BCAS4: variants seen among roughly 807,000 people sequenced by gnomAD.
BCAS4 encodes breast carcinoma-amplified sequence 4.
BCAS4 carries 9 observed loss-of-function variants against 15.7 expected under a neutral mutation model. That is an observed-to-expected ratio of 0.57 (90% CI 0.34 to 1.00). The LOEUF is 1.00. Among genes scored for constraint, BCAS4 ranks in the 50% least tolerant of loss-of-function variants. The pLI, the probability that BCAS4 is intolerant of heterozygous loss-of-function variation, is 0.02. For missense variants in BCAS4, 225 were observed against 239.1 expected (o/e 0.94, Z 0.39); for synonymous variants, 101 against 99.5 (o/e 1.02, Z -0.09).
chr20:50,867,092 C>G (rs970760249), intron 4 of BCAS4, among the ~76,000 whole-genome samples: 1 of 152,184 alleles, frequency 6.6e-6, no homozygotes, highest in African/African-American at 2.4e-5. Context: ...TACAGAGACT[C>G]TCTTTGTACT....
At chr20:50,859,403 C>T (rs1481834864) in intron 4 of BCAS4, among the ~76,000 whole-genome samples, 1 of 152,090 alleles carries the variant, frequency 6.6e-6, no homozygotes, top group African/African-American at 2.4e-5. Context: ...CTGGCCCTGG[C>T]GATGGCCTAG....
chr20:50,858,601 C>CA (rs1240734658), intron 4 of BCAS4, among the ~76,000 whole-genome samples: 1 of 149,060 alleles, frequency 6.7e-6, no homozygotes, highest in Non-Finnish European at 1.5e-5. Flanking sequence ...GACTCTGTCT[C>CA]AAAAACAAAA....
At chr20:50,878,868 C>T (rs910077271), downstream of BCAS4, 2 of 152,158 alleles carry the variant, frequency 1.3e-5, no homozygotes, top group Admixed American at 1.3e-4. Flanking sequence ...CTATTTAAGC[C>T]TCACCAGACT....
At chr20:50,843,945 A>C (rs550017372) in intron 4 of BCAS4, among the ~76,000 whole-genome samples, 28 of 152,208 alleles carry the variant, frequency 1.8e-4, no homozygotes. Flanking sequence ...GGAGTTCAAG[A>C]CCAGCCTGGG....
chr20:50,877,851 G>A (rs1399873652), downstream of BCAS4: 1 of 152,318 alleles, frequency 6.6e-6, no homozygotes, highest in Non-Finnish European at 1.5e-5. Context: ...AGATCGCCCA[G>A]GAGTTTGAGA....
At chr20:50,866,647 G>A (rs1979373186) in intron 4 of BCAS4, among the ~76,000 whole-genome samples, 1 of 152,222 alleles carries the variant, frequency 6.6e-6, no homozygotes, top group African/African-American at 2.4e-5. Flanking sequence ...AACCCCTGAG[G>A]GTCCTGAGGT....
downstream of BCAS4, chr20:50,879,362 CA>C (rs1980072096): frequency 5.9e-5 from 9 of 152,094 alleles, no homozygotes; most frequent in Admixed American, 5.9e-4. Flanking sequence ...ACTAAAAATA[CA>C]AAAATTAGCC....
chr20:50,852,951 C>A (rs1393287346), intron 4 of BCAS4, among the ~76,000 whole-genome samples: 1 of 152,076 alleles, frequency 6.6e-6, no homozygotes, highest in Non-Finnish European at 1.5e-5. Flanking sequence ...GGTGCCAGGG[C>A]CCACGGCTGG....
intron 1 of BCAS4, among the ~76,000 whole-genome samples, chr20:50,805,521 C>A (rs928604978): frequency 6.6e-6 from 1 of 152,164 alleles, no homozygotes; most frequent in South Asian, 2.1e-4. Context: ...CAAGCTGGGG[C>A]CCAGTAGCAG....
intron 4 of BCAS4, among the ~76,000 whole-genome samples, chr20:50,860,339 T>C (rs1434094636): frequency 6.6e-6 from 1 of 152,214 alleles, no homozygotes; most frequent in Non-Finnish European, 1.5e-5. Flanking sequence ...AATTTACTTC[T>C]ATCAGCCAAG....
intron 1 of BCAS4, among the ~76,000 whole-genome samples, chr20:50,814,570 G>A (rs747413592): frequency 3.3e-5 from 5 of 152,216 alleles, no homozygotes; most frequent in Non-Finnish European, 5.9e-5. Flanking sequence ...GGCATGAGCC[G>A]CTCTACCCAG....
At chr20:50,844,411 C>T (rs73615345) in intron 4 of BCAS4, among the ~76,000 whole-genome samples, 11,992 of 152,084 alleles carry the variant, frequency 0.079, 480 homozygotes, top group Admixed American at 0.13. Flanking sequence ...ACACTCTAGC[C>T]TGGACAACAG....
Position 50,851,063 on chromosome 20 carries a change from C to T in BCAS4, c.399+9163C>T, listed in dbSNP as rs1250507592. Among the ~76,000 whole-genome samples, 2 of 4,510 alleles carry T rather than the reference C, an allele frequency of 4.4e-4. No individual in the cohort carries two copies. The highest frequency in any genetic ancestry group is 8.0e-4 in the Non-Finnish European group (2 of 2,492). The allele number at this position is 4,510 out of a possible 152,430, so 3.0% of individuals were successfully genotyped here. On this transcript the variant is annotated intron_variant, in intron 4 of 4. Transcript: ENST00000371608. This position sits in a 1 kb window ranked among gnomAD's most constrained non-coding sequence, Gnocchi z 4.3. ...CCTCCTCTCCCCTTCCTGTCCAGCC[C>T]TGCAAGTGGTGGGGGGTGCTGGGTC...
At chr20:50,821,417 A>G (rs1299027341) in intron 2 of BCAS4, among the ~76,000 whole-genome samples, 1 of 152,118 alleles carries the variant, frequency 6.6e-6, no homozygotes, top group Non-Finnish European at 1.5e-5. Context: ...TATTCTAGAA[A>G]TCCTCTTGGC....
At chr20:50,847,868 C>A (rs77675485) in intron 4 of BCAS4, among the ~76,000 whole-genome samples, 12 of 151,206 alleles carry the variant, frequency 7.9e-5, no homozygotes, top group Non-Finnish European at 1.2e-4. Context: ...TATGCGAAAC[C>A]CCATCTCTAC....
At chr20:50,826,867 C>G (rs1219699483) in intron 2 of BCAS4, among the ~76,000 whole-genome samples, 1 of 152,088 alleles carries the variant, frequency 6.6e-6, no homozygotes, top group African/African-American at 2.4e-5. Context: ...ATTCAAGAGG[C>G]TGAGGCTGGA....
At chr20:50,801,436 AAAAC>A (rs1164582179) in intron 1 of BCAS4, among the ~76,000 whole-genome samples, 1 of 152,126 alleles carries the variant, frequency 6.6e-6, no homozygotes, top group African/African-American at 2.4e-5. Context: ...TCAAAAACAA[AAAAC>A]AAAAAAGTCT....
At chr20:50,803,355 G>GC (rs2087951755) in intron 1 of BCAS4, among the ~76,000 whole-genome samples, 1 of 152,212 alleles carries the variant, frequency 6.6e-6, no homozygotes, top group Non-Finnish European at 1.5e-5. Flanking sequence ...GGTGCAAGGG[G>GC]CATGTGTGTG....
At chr20:50,834,665 C>T (rs2088385335) in intron 3 of BCAS4, among the ~76,000 whole-genome samples, 1 of 152,198 alleles carries the variant, frequency 6.6e-6, no homozygotes, top group Admixed American at 6.5e-5. Context: ...TAAGCACTAT[C>T]TCATTCCTGA....
Sources: allele counts gnomAD v4.1 joint callset (sites outside exome capture counted in the v4.1 genomes callset), GRCh38; gene constraint gnomAD v4.1.1; non-coding constraint Gnocchi (gnomAD v3.1); transcripts MANE v1.5; gene names NCBI Gene and HGNC (gene_info 2026-07-23, HGNC 2026-07-21).